SLCO1B1: variants seen among roughly 807,000 people sequenced by gnomAD.
The protein encoded by SLCO1B1 is OATP-2.
SLCO1B1 carries 81 observed loss-of-function variants against 70.1 expected under a neutral mutation model. The observed-to-expected ratio is 1.16, with a 90% CI of 0.97 to 1.39. The LOEUF (loss-of-function observed/expected upper bound fraction) is 1.39, where lower values mean the gene tolerates loss of function less well. SLCO1B1 is among the 40% of genes most tolerant of loss of function. The pLI is 0.00. For synonymous variants in SLCO1B1, 283 were observed against 271.5 expected, an observed-to-expected ratio of 1.04 and a Z score of -0.42; for missense variants, 895 against 799.6, an observed-to-expected ratio of 1.12 and a Z score of -1.44.
intron 2 of SLCO1B1, among the ~76,000 whole-genome samples, chr12:21,172,043 T>C (rs1940760918): frequency 6.6e-6 from 1 of 152,144 alleles, no homozygotes; most frequent in Non-Finnish European, 1.5e-5. Context: ...ACAGGGTAAA[T>C]ATTAATAGTA....
chr12:21,162,445 C>A (rs1484872494), intron 2 of SLCO1B1, among the ~76,000 whole-genome samples: 1 of 152,044 alleles, frequency 6.6e-6, no homozygotes, highest in East Asian at 1.9e-4. Flanking sequence ...AATTTCCATT[C>A]CACATGATAC....
intron 2 of SLCO1B1, among the ~76,000 whole-genome samples, chr12:21,141,986 A>T (rs112657203): frequency 5.9e-5 from 9 of 151,848 alleles, no homozygotes; most frequent in African/African-American, 2.2e-4. Flanking sequence ...ATAATATTTT[A>T]AAATTCTTAG....
rs571745537 is a variant in SLCO1B1, at chr12:21,214,834, T to C, written c.1498-2285T>C. ...GGGAGTGACCCGATTTTCCAGGTGC[T>C]GTCCGTCACCCCTTTCTTTGACTGG... is the stretch of plus-strand genomic sequence containing the variant. On this transcript the variant is annotated intron_variant, in intron 11 of 14. Coordinates refer to ENST00000256958, the MANE Select transcript of SLCO1B1 (RefSeq NM_006446.5). Among the ~76,000 whole-genome samples the C allele has an allele frequency of 1.9e-4, 29 of 152,242 alleles. No homozygotes were observed. The East Asian group carries it at 2.5e-3, about 13-fold the overall frequency.
At chr12:21,192,288 C>T (rs1941038784) in intron 7 of SLCO1B1, among the ~76,000 whole-genome samples, 2 of 151,852 alleles carry the variant, frequency 1.3e-5, no homozygotes. Flanking sequence ...AATATTTTTA[C>T]TGGTTGTAAA....
intron 2 of SLCO1B1, among the ~76,000 whole-genome samples, chr12:21,143,912 G>A (rs1940347541): frequency 6.6e-6 from 1 of 152,122 alleles, no homozygotes; most frequent in East Asian, 1.9e-4. Flanking sequence ...TATACATGTT[G>A]TTACTGACTT....
Position 21,141,525 on chromosome 12 carries a change from A to C in SLCO1B1, c.-50A>C, listed in dbSNP as rs1200945298. 1 of 1,115,498 alleles carries C rather than the reference A, an allele frequency of 9.0e-7. No homozygotes were observed. Among genetic ancestry groups the C allele is most frequent in the Non-Finnish European group, 1.4e-6 (1 of 729,766 alleles). 69.1% of individuals were successfully genotyped at this position (1,115,498 alleles called of 1,614,324 possible). On this transcript the variant is annotated 5_prime_UTR_variant, in exon 2 of 15. Coordinates refer to ENST00000256958, the MANE Select transcript of SLCO1B1 (RefSeq NM_006446.5). ...TTCTTCCTTAATAGGTGATTGTTTC[A>C]AACTGAGCATCAACAACAAAAACAT...
chr12:21,141,899 T>C (rs560105625), intron 2 of SLCO1B1, among the ~76,000 whole-genome samples: 3 of 151,974 alleles, frequency 2.0e-5, no homozygotes, highest in East Asian at 3.9e-4. Flanking sequence ...TTTAGAAATA[T>C]TTTGATAGCT....
At chr12:21,233,941 A>G (rs913535420) in intron 14 of SLCO1B1, among the ~76,000 whole-genome samples, 1 of 152,214 alleles carries the variant, frequency 6.6e-6, no homozygotes, top group Non-Finnish European at 1.5e-5. Flanking sequence ...GTAACCACCT[A>G]ACGGGTTCAC....
At chr12:21,134,776 A>G (rs1226107740) in intron 1 of SLCO1B1, among the ~76,000 whole-genome samples, 1 of 152,158 alleles carries the variant, frequency 6.6e-6, no homozygotes, top group African/African-American at 2.4e-5. Context: ...GATGCTTTCA[A>G]AAAACCAGCT....
intron 11 of SLCO1B1, among the ~76,000 whole-genome samples, chr12:21,207,449 G>A (rs1941227214): frequency 6.6e-6 from 1 of 151,910 alleles, no homozygotes; most frequent in Non-Finnish European, 1.5e-5. Context: ...CTGCATCCAG[G>A]TTGCTGCAAG....
intron 14 of SLCO1B1, among the ~76,000 whole-genome samples, chr12:21,227,255 G>A (rs1255187570): frequency 2.0e-5 from 3 of 151,890 alleles, no homozygotes; most frequent in South Asian, 2.1e-4. Flanking sequence ...TGAATAGTCT[G>A]ATGTCTTGAA....
intron 14 of SLCO1B1, among the ~76,000 whole-genome samples, chr12:21,234,478 TG>T (rs1941575847): frequency 6.6e-6 from 1 of 152,158 alleles, no homozygotes; most frequent in African/African-American, 2.4e-5. Flanking sequence ...GGCAAGAAGC[TG>T]GTTTGTTTTG....
chr12:21,224,427 T>G (rs1941462316), intron 13 of SLCO1B1, among the ~76,000 whole-genome samples: 1 of 152,160 alleles, frequency 6.6e-6, no homozygotes, highest in Non-Finnish European at 1.5e-5. Context: ...ACTAACAACA[T>G]TCTCCTTTTT....
intron 9 of SLCO1B1, 122 bp downstream of exon 9, chr12:21,200,794 C>A: frequency 2.6e-6 from 2 of 770,398 alleles, no homozygotes; most frequent in Non-Finnish European, 2.0e-6. Flanking sequence ...GTATAATTTT[C>A]TTGTATTCTT....
chr12:21,172,947 G>A (rs185340249), intron 3 of SLCO1B1, among the ~76,000 whole-genome samples, 156 bp downstream of exon 3: 6 of 152,274 alleles, frequency 3.9e-5, no homozygotes, highest in Admixed American at 3.9e-4. Context: ...ACAGGGGTTG[G>A]GGGCAATGGA....
At chr12:21,211,902 G>T (rs1461807021) in intron 11 of SLCO1B1, among the ~76,000 whole-genome samples, 1 of 150,622 alleles carries the variant, frequency 6.6e-6, no homozygotes, top group South Asian at 2.1e-4. Flanking sequence ...GGGATCGGTG[G>T]TGATATCCCC....
chr12:21,206,275 CT>C (rs889530668), intron 11 of SLCO1B1, among the ~76,000 whole-genome samples: 4 of 151,666 alleles, frequency 2.6e-5, no homozygotes, highest in Admixed American at 2.6e-4. Flanking sequence ...CACTTTTTTC[CT>C]TTGAGATTGT....
intron 2 of SLCO1B1, among the ~76,000 whole-genome samples, chr12:21,152,021 C>T (rs1439486766): frequency 2.0e-5 from 3 of 151,798 alleles, no homozygotes; most frequent in Non-Finnish European, 1.5e-5. Context: ...TATGTATATG[C>T]TATACCTTTT....
intron 11 of SLCO1B1, among the ~76,000 whole-genome samples, chr12:21,210,952 G>A (rs1373728822): frequency 1.3e-5 from 2 of 152,120 alleles, no homozygotes; most frequent in African/African-American, 2.4e-5. Context: ...AGTTTAAGGA[G>A]ATTTTGGGCT....
Sources: gnomAD v4.1 joint callset for allele counts (sites outside exome capture counted in the v4.1 genomes callset) on GRCh38, gnomAD v4.1.1 for gene constraint, MANE v1.5 for transcripts, NCBI Gene and HGNC (gene_info 2026-07-23, HGNC 2026-07-21) for gene names.